PRKN: variants seen among roughly 807,000 people sequenced by gnomAD.
PRKN encodes the protein E3 ubiquitin-protein ligase parkin.
In PRKN, 56 loss-of-function variants were observed where a neutral mutation model predicts 59.5. The ratio of observed to expected loss-of-function variants is 0.94; its 90% CI spans 0.76 to 1.18. The LOEUF (loss-of-function observed/expected upper bound fraction) is 1.18, where lower values mean the gene tolerates loss of function less well. PRKN is among the 50% of genes most tolerant of loss of function. PRKN has a pLI of 0.00. For synonymous variants in PRKN, 250 were observed against 222.1 expected, an observed-to-expected ratio of 1.13 and a Z score of -1.12; for missense variants, 657 against 596.4, an observed-to-expected ratio of 1.10 and a Z score of -1.06.
chr6:162,106,371 A>G (rs1209285254), intron 4 of PRKN, among the ~76,000 whole-genome samples: 1 of 151,612 alleles, frequency 6.6e-6, no homozygotes, highest in African/African-American at 2.4e-5. Flanking sequence ...TCTGGGGAAC[A>G]GAACTGAGGA....
intron 6 of PRKN, among the ~76,000 whole-genome samples, chr6:161,918,254 T>C (rs9364628): frequency 0.47 from 71,888 of 152,000 alleles, 17,684 homozygotes; most frequent in Middle Eastern, 0.62. Flanking sequence ...AACATCGTCA[T>C]TGCTTCAATT....
chr6:161,618,619 T>TA (rs989787107), intron 7 of PRKN, among the ~76,000 whole-genome samples: 4 of 152,168 alleles, frequency 2.6e-5, no homozygotes, highest in African/African-American at 9.7e-5. Flanking sequence ...CACTGCCGCA[T>TA]AAAAATGCAA....
intron 6 of PRKN, among the ~76,000 whole-genome samples, chr6:161,900,653 ATAACATATAT>A (rs1777866371): frequency 3.7e-5 from 5 of 133,848 alleles, no homozygotes; most frequent in African/African-American, 2.8e-5. Flanking sequence ...TATATTATAT[ATAACATATAT>A]TATATATGTT....
intron 1 of PRKN, among the ~76,000 whole-genome samples, chr6:162,515,848 C>T (rs1777830503): frequency 6.6e-6 from 1 of 152,122 alleles, no homozygotes; most frequent in Non-Finnish European, 1.5e-5. Flanking sequence ...CTGAAAAGTA[C>T]TAGAAAGTTC....
chr6:162,594,227 T>C (rs1009652665), intron 1 of PRKN, among the ~76,000 whole-genome samples: 2 of 152,176 alleles, frequency 1.3e-5, no homozygotes, highest in African/African-American at 4.8e-5. Context: ...GAAACAATTC[T>C]GAGAAAATCA....
rs908940678 is a variant in PRKN, at chr6:161,407,227, T to C, written c.1084-20350A>G. ...CCAAAATTATAACTGCTAAGAGAGA[T>C]GTTAATGGTAATTAATCATGAGTGA... On this transcript the variant is annotated intron_variant, in intron 9 of 11. Coordinates refer to ENST00000366898, the MANE Select transcript of PRKN (RefSeq NM_004562.3). The surrounding 1 kb of genome is among the most constrained non-coding windows in gnomAD (Gnocchi z 4.9). 3.9e-5 allele frequency among the ~76,000 whole-genome samples: 6 copies of C among 152,162 alleles called. No individual in the cohort carries two copies. The highest frequency in any genetic ancestry group is 3.3e-4 in the Admixed American group (5 of 15,270).
intron 7 of PRKN, among the ~76,000 whole-genome samples, chr6:161,598,665 T>C (rs1782002277): frequency 6.6e-6 from 1 of 152,250 alleles, no homozygotes; most frequent in South Asian, 2.1e-4. Context: ...CGATGGAATG[T>C]GTTTTTCTTC....
chr6:161,573,449 G>A (rs1052899261), intron 7 of PRKN, among the ~76,000 whole-genome samples: 3 of 151,596 alleles, frequency 2.0e-5, no homozygotes, highest in Non-Finnish European at 4.4e-5. Flanking sequence ...GGCCAGGTGC[G>A]GTGGTTCACG....
rs1407532659 is a variant in PRKN at position 161,873,997 on chromosome 6, AATATATAAAATATATATTATATGTAAAAT to A, written c.735-88118_735-88090del. ...TATATAAAATATATATGTAAAATAT[AATATATAAAATATATATTATATGTAAAAT>A]ATATATAAAATATATATTATATGTA... On this transcript the variant is annotated intron_variant, in intron 6 of 11. Transcript: ENST00000366898. 5.6e-4 allele frequency among the ~76,000 whole-genome samples: 41 copies of A among 72,724 alleles called. 3 individuals are homozygous for A. Among genetic ancestry groups the A allele is most frequent in the Non-Finnish European group, 8.1e-4 (32 of 39,510 alleles). 47.7% of individuals were successfully genotyped at this position (72,724 alleles called of 152,430 possible). A position where few individuals can be genotyped will look rare whatever the true frequency, so the allele number is the denominator to read the frequency against.
chr6:161,837,421 T>G (rs1792804012), intron 6 of PRKN, among the ~76,000 whole-genome samples: 1 of 152,206 alleles, frequency 6.6e-6, no homozygotes, highest in Admixed American at 6.5e-5. Context: ...TGAGATTAGG[T>G]ATCAACAGAG....
At chr6:161,733,789 T>TATATATATATATATATATATATATATAC (rs1562641725) in intron 7 of PRKN, among the ~76,000 whole-genome samples, 9 of 61,744 alleles carry the variant, frequency 1.5e-4, no homozygotes, top group Non-Finnish European at 2.7e-4. Context: ...AAAAAATATA[T>TATATATATATATATATATATATATATAC]ATATATATGT....
chr6:161,595,606 G>A (rs980176593), intron 7 of PRKN, among the ~76,000 whole-genome samples: 5 of 151,904 alleles, frequency 3.3e-5, no homozygotes, highest in African/African-American at 4.9e-5. Context: ...AGGCCAAGAC[G>A]GAAGCTGACA....
intron 3 of PRKN, among the ~76,000 whole-genome samples, chr6:162,206,215 C>G (rs1041092889): frequency 2.0e-5 from 3 of 152,276 alleles, no homozygotes; most frequent in Admixed American, 6.5e-5. Flanking sequence ...CCATCACCAC[C>G]TTTGAAATCT....
chr6:161,901,862 C>T (rs1397877561), intron 6 of PRKN, among the ~76,000 whole-genome samples: 6 of 152,128 alleles, frequency 3.9e-5, no homozygotes, highest in Non-Finnish European at 7.4e-5. Flanking sequence ...GGTCCTCTGA[C>T]CCTGCTGCTG....
At chr6:162,271,267 G>A (rs1397851219) in intron 2 of PRKN, among the ~76,000 whole-genome samples, 2 of 152,084 alleles carry the variant, frequency 1.3e-5, no homozygotes, top group Non-Finnish European at 2.9e-5. Context: ...GCCGAATGCA[G>A]TGGCTCACGT....
chr6:162,234,062 A>G (rs1291455758), intron 3 of PRKN, among the ~76,000 whole-genome samples: 1 of 152,250 alleles, frequency 6.6e-6, no homozygotes, highest in Non-Finnish European at 1.5e-5. Flanking sequence ...GACACATTCT[A>G]TGAGGAAAAG....
chr6:162,360,324 C>A (rs1217521321), intron 2 of PRKN, among the ~76,000 whole-genome samples: 1 of 152,064 alleles, frequency 6.6e-6, no homozygotes, highest in Non-Finnish European at 1.5e-5. Flanking sequence ...CCTAATTTTT[C>A]TGTGAATCGT....
At chr6:161,890,039 G>A (rs1276619295) in intron 6 of PRKN, among the ~76,000 whole-genome samples, 1 of 152,152 alleles carries the variant, frequency 6.6e-6, no homozygotes, top group Non-Finnish European at 1.5e-5. Flanking sequence ...TTAGACTCAT[G>A]GGGTCAGAAC....
intron 2 of PRKN, among the ~76,000 whole-genome samples, chr6:162,326,278 CCAGGGATTATAAGT>C (rs1783273306): frequency 6.6e-6 from 1 of 151,844 alleles, no homozygotes; most frequent in Non-Finnish European, 1.5e-5. Flanking sequence ...TTCAGCGTTC[CCAGGGATTATAAGT>C]CAGGCAAAAT....
Sources: allele counts gnomAD v4.1 joint callset (sites outside exome capture counted in the v4.1 genomes callset), GRCh38; gene constraint gnomAD v4.1.1; non-coding constraint Gnocchi (gnomAD v3.1); transcripts MANE v1.5; gene names NCBI Gene and HGNC (gene_info 2026-07-23, HGNC 2026-07-21).